The following SPAST variants were observed in gnomAD, a reference collection of about 807,000 sequenced individuals.
The protein encoded by SPAST is spastin.
SPAST carries 30 observed loss-of-function variants against 76.6 expected under a neutral mutation model. The ratio of observed to expected loss-of-function variants is 0.39; its 90% confidence interval spans 0.29 to 0.53. The LOEUF (loss-of-function observed/expected upper bound fraction) is 0.53. Ranked by LOEUF, SPAST falls within the 20% of genes least tolerant of loss-of-function variation. SPAST has a pLI of 0.68. For synonymous variants in SPAST, 305 were observed against 281.0 expected, an observed-to-expected ratio of 1.09 and a Z score of -0.86; for missense variants, 717 against 770.5, an observed-to-expected ratio of 0.93 and a Z score of 0.82.
chr2:32,153,144 G>C (rs1399275216), intron 16 of SPAST, among the ~76,000 whole-genome samples: 1 of 152,038 alleles, frequency 6.6e-6, no homozygotes, highest in Non-Finnish European at 1.5e-5. Flanking sequence ...AGATATCAAA[G>C]ATGATATGAA....
At chr2:32,119,243 T>C (rs1420862055) in intron 7 of SPAST, among the ~76,000 whole-genome samples, 1 of 152,162 alleles carries the variant, frequency 6.6e-6, no homozygotes, top group Non-Finnish European at 1.5e-5. Context: ...CGTTTCACAA[T>C]AGACTCACAA....
chr2:32,092,311 T>C (rs1208954568), intron 3 of SPAST, among the ~76,000 whole-genome samples: 1 of 152,232 alleles, frequency 6.6e-6, no homozygotes, highest in African/African-American at 2.4e-5. Context: ...TTTGTTGCAA[T>C]AAAATAATTG....
intron 7 of SPAST, among the ~76,000 whole-genome samples, chr2:32,121,535 C>CTTTTTTTTTTTTTTTTTTTTTTTTT (rs34519148): frequency 9.7e-6 from 1 of 102,732 alleles, no homozygotes; most frequent in Non-Finnish European, 1.9e-5. Context: ...ATCTTTCTCA[C>CTTTTTTTTTTTTTTTTTTTTTTTTT]TTTTTTTTTT....
chr2:32,114,204 A>G (rs932389193), intron 4 of SPAST, among the ~76,000 whole-genome samples: 7 of 152,184 alleles, frequency 4.6e-5, no homozygotes, highest in African/African-American at 1.7e-4. Flanking sequence ...CAGGAGTTCG[A>G]GACCAGCCTA....
At position 32,137,186 on chromosome 2, in the gene SPAST, CAGGT is replaced by C. The variant is rs1558337180; in HGVS notation, c.1493+2_1493+5del. 6.2e-7 allele frequency: 1 copy of C among 1,607,110 alleles called. No individual in the cohort carries two copies. Among genetic ancestry groups the C allele is most frequent in the Non-Finnish European group, 8.5e-7 (1 of 1,173,712 alleles). ...CACAAGAGCTTGATGAGGCTGTTCT[CAGGT>C]AGGGAGATTTATATGGAAATACATG... On this transcript the variant is annotated splice_donor_variant and coding_sequence_variant, in exon 12 of 17. Transcript: ENST00000315285. LOFTEE classifies it high-confidence loss of function.
At position 32,156,982 on chromosome 2, in the gene SPAST, C is replaced by G. The variant is rs566776591; in HGVS notation, c.*2486C>G. The G allele has an allele frequency of 1.3e-5, 2 of 152,176 alleles. No homozygotes were observed. The highest frequency in any genetic ancestry group is 4.8e-5 in the African/African-American group (2 of 41,478). 9.4% of individuals were successfully genotyped at this position (152,176 alleles called of 1,614,324 possible). ...TAAGCTGTTTCTTTGATAGAAGGGC[C>G]ATGAAAATAGAGTAATGATATAGTA... On this transcript the variant is annotated 3_prime_UTR_variant, in exon 17 of 17. Transcript: ENST00000315285.
intron 1 of SPAST, among the ~76,000 whole-genome samples, chr2:32,083,707 T>TTATACTATATATATTTATA (rs199616307): frequency 3.8e-4 from 35 of 91,398 alleles, no homozygotes; most frequent in Non-Finnish European, 6.3e-4. Flanking sequence ...ATATATATTT[T>TTATACTATATATATTTATA]TATACTATAT....
In SPAST at chr2:32,070,394, C is replaced by T. The variant is rs979145628; in HGVS notation, c.415+6148C>T. Reference sequence around the variant, plus strand: ...ATACTCAAATTTGACACTGAATTTTCATAAAGGCCTTAATTTATCTGAAAC... The same window carrying T: ...ATACTCAAATTTGACACTGAATTTTTATAAAGGCCTTAATTTATCTGAAAC... On this transcript the variant is annotated intron_variant, in intron 1 of 16. Coordinates refer to ENST00000315285, the MANE Select transcript of SPAST (RefSeq NM_014946.4). 3.9e-5 allele frequency among the ~76,000 whole-genome samples: 6 copies of T among 152,206 alleles called. No homozygotes were observed. The South Asian group carries it at 6.2e-4, about 16-fold the overall frequency.
At chr2:32,065,023 C>CTTT (rs1286197371) in intron 1 of SPAST, among the ~76,000 whole-genome samples, 1 of 145,466 alleles carries the variant, frequency 6.9e-6, no homozygotes. Flanking sequence ...TTTAAGCTAA[C>CTTT]TTTTTTTTTT....
chr2:32,069,701 C>T lies in SPAST; in HGVS notation c.415+5455C>T, dbSNP rs183811694. On this transcript the variant is annotated intron_variant, in intron 1 of 16. Transcript: ENST00000315285. ...CCTCCCAAGTAGCTGGGACTACAGG[C>T]GCCTGCCATCACACCTGGCTAATTT... 4.9e-3 allele frequency among the ~76,000 whole-genome samples: 746 copies of T among 152,082 alleles called. 6 individuals are homozygous for T. Among genetic ancestry groups the T allele is most frequent in the Non-Finnish European group, 7.7e-3 (527 of 68,004 alleles).
At chr2:32,079,666 C>T (rs983732321) in intron 1 of SPAST, among the ~76,000 whole-genome samples, 2 of 146,804 alleles carry the variant, frequency 1.4e-5, no homozygotes, top group South Asian at 4.6e-4. Context: ...TCAAGCAGTC[C>T]TACCACCTCA....
chr2:32,100,527 T>C (rs1056484033), intron 4 of SPAST, among the ~76,000 whole-genome samples: 1 of 152,132 alleles, frequency 6.6e-6, no homozygotes, highest in African/African-American at 2.4e-5. Context: ...TTGTTACATA[T>C]GTATACAAGT....
At chr2:32,075,161 G>A (rs374875229) in intron 1 of SPAST, among the ~76,000 whole-genome samples, 89 of 152,078 alleles carry the variant, frequency 5.9e-4, no homozygotes, top group African/African-American at 2.1e-3. Flanking sequence ...GGTGGCTCAC[G>A]CTTGTAATCC....
At chr2:32,133,570 A>C (rs568603101) in intron 9 of SPAST, among the ~76,000 whole-genome samples, 3 of 152,254 alleles carry the variant, frequency 2.0e-5, no homozygotes, top group South Asian at 4.1e-4. Context: ...GATTGTTGCA[A>C]GTAGTTGTAG....
At chr2:32,149,610 TG>T (rs924138002) in intron 16 of SPAST, among the ~76,000 whole-genome samples, 2 of 152,136 alleles carry the variant, frequency 1.3e-5, no homozygotes, top group African/African-American at 2.4e-5. Context: ...CAAAAATACT[TG>T]GGGGAAAAAA....
At chr2:32,106,112 G>C (rs1022128413) in intron 4 of SPAST, among the ~76,000 whole-genome samples, 12 of 152,194 alleles carry the variant, frequency 7.9e-5, no homozygotes, top group Non-Finnish European at 1.8e-4. Flanking sequence ...ACTCCACCCA[G>C]TTCAAGCTTC....
Position 32,072,501 on chromosome 2 carries a change from A to G in SPAST, c.415+8255A>G, listed in dbSNP as rs72862262. ...CCCTGAATTCCAAAGGGAAGAGGGT[A>G]TATGAGTCATGTCCAACCCCCACTT... is the stretch of plus-strand genomic sequence containing the variant. On this transcript the variant is annotated intron_variant, in intron 1 of 16. Coordinates refer to ENST00000315285, the MANE Select transcript of SPAST (RefSeq NM_014946.4). Among the ~76,000 whole-genome samples, 465 of 152,250 alleles carry G rather than the reference A, an allele frequency of 3.1e-3. 4 individuals are homozygous for G. Among genetic ancestry groups the G allele is most frequent in the African/African-American group, 0.011 (438 of 41,564 alleles).
In SPAST at chr2:32,063,608, A is replaced by C; in HGVS notation, c.-224A>C. 1 of 568,760 alleles carries C rather than the reference A, an allele frequency of 1.8e-6. No individual in the cohort carries two copies. The highest frequency in any genetic ancestry group is 3.0e-6 in the Non-Finnish European group (1 of 329,292). The allele number at this position is 568,760 out of a possible 1,614,324, so 35.2% of individuals were successfully genotyped here. A position where few individuals can be genotyped will look rare whatever the true frequency, so the allele number is the denominator to read the frequency against. ...GCGGAGAGGACAGCGACAGGAAGGG[A>C]GGGGCCCGAGCCACCGACTGCAGGA... On this transcript the variant is annotated 5_prime_UTR_variant, in exon 1 of 17. Transcript: ENST00000315285.
Position 32,111,429 on chromosome 2 carries a change from T to C in SPAST, c.683-3209T>C, listed in dbSNP as rs1678600953. 3.4e-5 allele frequency among the ~76,000 whole-genome samples: 5 copies of C among 146,592 alleles called. No individual in the cohort carries two copies. The South Asian group carries it at 1.1e-3, about 31-fold the overall frequency. On this transcript the variant is annotated intron_variant, in intron 4 of 16. Transcript: ENST00000315285. ...ATAGTATACTGTATAGTGTATAGAG[T>C]ATATATATAGTATACTGTATAGTAT...
Sources: allele counts gnomAD v4.1 joint callset (sites outside exome capture counted in the v4.1 genomes callset), GRCh38; gene constraint gnomAD v4.1.1; transcripts MANE v1.5; gene names NCBI Gene and HGNC (gene_info 2026-07-23, HGNC 2026-07-21).